ANKRD30B: variants seen among roughly 807,000 people sequenced by gnomAD.
ANKRD30B encodes the protein ankyrin repeat domain 30B.
Under a neutral mutation model 202.2 loss-of-function variants are expected in ANKRD30B, and 144 were observed. The observed-to-expected ratio is 0.71, with a 90% CI of 0.62 to 0.82. The LOEUF (loss-of-function observed/expected upper bound fraction) is 0.82. ANKRD30B is among the 40% of genes least tolerant of loss of function. The pLI is 0.00. For missense variants in ANKRD30B, 1,487 were observed against 1,669.1 expected (o/e 0.89, Z 1.90); for synonymous variants, 508 against 561.3 (o/e 0.91, Z 1.34).
At chr18:14,783,187 G>T (rs1169494468) in intron 12 of ANKRD30B, among the ~76,000 whole-genome samples, 1 of 152,078 alleles carries the variant, frequency 6.6e-6, no homozygotes, top group Non-Finnish European at 1.5e-5. Context: ...GCATAGGTGT[G>T]CATCTATATA....
the ANKRD30B span, among the ~76,000 whole-genome samples, chr18:14,889,590 T>C: frequency 4.6e-5 from 7 of 151,608 alleles, no homozygotes; most frequent in Non-Finnish European, 7.4e-5. Flanking sequence ...TGTTGATGAA[T>C]GAACTAAACA....
rs781531569 is a variant in ANKRD30B at position 14,796,253 on chromosome 18, A to G, written c.1854+4A>G. The G allele has an allele frequency of 6.9e-6, 11 of 1,605,458 alleles. No homozygotes were observed. The highest frequency in any genetic ancestry group is 3.3e-5 in the Admixed American group (2 of 59,938). Reference sequence around the variant, plus strand: ...TGTTAAAGATGGTCTTCTGAAGGTAATAACTTTTATATTGCTATCTTGAAT... The same window carrying G: ...TGTTAAAGATGGTCTTCTGAAGGTAGTAACTTTTATATTGCTATCTTGAAT... On this transcript the variant is annotated splice_donor_region_variant and intron_variant, in intron 17 of 43. Coordinates refer to ENST00000690538, the MANE Select transcript of ANKRD30B (RefSeq NM_001367607.2).
chr18:14,853,659 C>A (rs1455796446), intron 42 of ANKRD30B, among the ~76,000 whole-genome samples, 150 bp from the exon 43 acceptor site: 1 of 151,988 alleles, frequency 6.6e-6, no homozygotes, highest in Non-Finnish European at 1.5e-5. Flanking sequence ...AAGATTACAC[C>A]TTCTTGTGTC....
chr18:14,895,113 C>T, the ANKRD30B span, among the ~76,000 whole-genome samples: 2 of 78,990 alleles, frequency 2.5e-5, no homozygotes, highest in Admixed American at 3.3e-4. Context: ...ATAAAGATGG[C>T]AACAACTGAC....
intron 37 of ANKRD30B, among the ~76,000 whole-genome samples, chr18:14,842,442 G>A (rs1376112053): frequency 2.0e-5 from 3 of 152,048 alleles, no homozygotes; most frequent in African/African-American, 4.8e-5. Flanking sequence ...TCATCATAAC[G>A]GTGTACCATC....
the ANKRD30B span, among the ~76,000 whole-genome samples, chr18:14,895,666 TA>T: frequency 6.6e-6 from 1 of 152,184 alleles, no homozygotes; most frequent in African/African-American, 2.4e-5. Context: ...GGTACACGTA[TA>T]CATTGGAATA....
intron 22 of ANKRD30B, among the ~76,000 whole-genome samples, chr18:14,799,788 C>T (rs1214082289): frequency 6.6e-6 from 1 of 151,960 alleles, no homozygotes; most frequent in Admixed American, 6.6e-5. Context: ...AAAATCATTA[C>T]TTGATGATTC....
At chr18:14,758,265 C>T (rs1914692598) in intron 5 of ANKRD30B, among the ~76,000 whole-genome samples, 1 of 152,096 alleles carries the variant, frequency 6.6e-6, no homozygotes, top group Non-Finnish European at 1.5e-5. Flanking sequence ...GATAATGTCC[C>T]CTGGGGGCTG....
chr18:14,791,626 A>C, intron 16 of ANKRD30B, 135 bp downstream of exon 16: 1 of 678,890 alleles, frequency 1.5e-6, no homozygotes, highest in South Asian at 2.1e-5. Context: ...TGAAACGGTG[A>C]TAAGTTATAC....
chr18:14,760,587 A>G lies in ANKRD30B; in HGVS notation c.789A>G (p.Lys263=). 3 of 1,533,304 alleles carry G rather than the reference A, an allele frequency of 2.0e-6. No individual in the cohort carries two copies. The highest frequency in any genetic ancestry group is 1.8e-6 in the Non-Finnish European group (2 of 1,136,658). 95.0% of individuals were successfully genotyped at this position (1,533,304 alleles called of 1,614,324 possible). Reference sequence around the variant, plus strand: ...AACAACTTTTGGAACATATACGAAAATTACCTAAAAATCCTCAAAATACCA... The same window carrying G: ...AACAACTTTTGGAACATATACGAAAGTTACCTAAAAATCCTCAAAATACCA... ...IHQQLLEHIR[K]LPKNPQNTNP... Residue 263 remains lysine, a synonymous_variant, in exon 6 of 44, where the codon AAA becomes AAG. Transcript: ENST00000690538.
At chr18:14,799,196 A>G in intron 21 of ANKRD30B, 27 bp from the exon 22 acceptor site, 10 of 1,585,748 alleles carry the variant, frequency 6.3e-6, no homozygotes, top group Non-Finnish European at 8.6e-6. Flanking sequence ...ATTATATGTT[A>G]ATTTTTGTGT....
At chr18:14,766,980 A>C (rs1366873658) in intron 7 of ANKRD30B, among the ~76,000 whole-genome samples, 2 of 152,196 alleles carry the variant, frequency 1.3e-5, no homozygotes, top group African/African-American at 4.8e-5. Flanking sequence ...TGTTAAGTAT[A>C]CTGTTGATAT....
intron 15 of ANKRD30B, among the ~76,000 whole-genome samples, chr18:14,790,344 A>G (rs1340544503): frequency 6.6e-6 from 1 of 152,164 alleles, no homozygotes; most frequent in Non-Finnish European, 1.5e-5. Flanking sequence ...AATAGGGACA[A>G]TTTGACTTCC....
At chr18:14,766,093 G>C (rs1916084962) in intron 7 of ANKRD30B, among the ~76,000 whole-genome samples, 1 of 152,098 alleles carries the variant, frequency 6.6e-6, no homozygotes, top group African/African-American at 2.4e-5. Flanking sequence ...TTATTATTGA[G>C]TTTAAAAAGC....
Position 14,782,614 on chromosome 18 carries a change from G to C in ANKRD30B, c.1570G>C (p.Glu524Gln). Residue 524 changes from glutamate to glutamine, a missense_variant and splice_region_variant, in exon 12 of 44, where the codon GAG (glutamate) becomes CAG (glutamine). By Grantham distance (29) the Glu-to-Gln change is conservative. Transcript: ENST00000690538. ...KVMEINREVE[E>Q]LPEKPSAFKP... is the part of the protein sequence containing the mutation. ...AATGGAGATAAATAGAGAAGTAGAAGGTAAGAACAACTTTTTATTTGAAAA... is the reference window on the plus strand; with the variant it reads ...AATGGAGATAAATAGAGAAGTAGAACGTAAGAACAACTTTTTATTTGAAAA... 6.4e-7 allele frequency: 1 copy of C among 1,553,468 alleles called. No homozygotes were observed. The highest frequency in any genetic ancestry group is 8.7e-7 in the Non-Finnish European group (1 of 1,152,006).
intron 9 of ANKRD30B, among the ~76,000 whole-genome samples, chr18:14,774,354 TC>T (rs1393725236): frequency 6.6e-6 from 1 of 152,166 alleles, no homozygotes; most frequent in African/African-American, 2.4e-5. Context: ...TGTTTCTCCC[TC>T]CTCTTTCACC....
At chr18:14,931,367 G>A in the ANKRD30B span, among the ~76,000 whole-genome samples, 1 of 152,188 alleles carries the variant, frequency 6.6e-6, no homozygotes, top group Non-Finnish European at 1.5e-5. Context: ...CCAGTGATCT[G>A]GAAAACTCTG....
rs535302033 is a variant in ANKRD30B at position 14,769,762 on chromosome 18, C to T, written c.1256+389C>T. On this transcript the variant is annotated intron_variant, in intron 8 of 43. Transcript: ENST00000690538. ...CAATTCACAAAGTTACATTTTGTTA[C>T]AGGTTAACTCTTTTTAGAGTTTTCT... 6.4e-4 allele frequency among the ~76,000 whole-genome samples: 98 copies of T among 152,330 alleles called. No homozygotes were observed. The Middle Eastern group carries it at 0.017, about 26-fold the overall frequency.
the ANKRD30B span, among the ~76,000 whole-genome samples, chr18:14,921,827 G>A: frequency 6.6e-6 from 1 of 152,216 alleles, no homozygotes; most frequent in Non-Finnish European, 1.5e-5. Flanking sequence ...GGCAATTGGC[G>A]GTTCTCAGTA....
Sources: allele counts gnomAD v4.1 joint callset (sites outside exome capture counted in the v4.1 genomes callset), GRCh38; gene constraint gnomAD v4.1.1; transcripts MANE v1.5; gene names NCBI Gene and HGNC (gene_info 2026-07-23, HGNC 2026-07-21).